The following DOCK11 variants were observed in gnomAD, a reference collection of about 807,000 sequenced individuals.
DOCK11 encodes dedicator of cytokinesis 11, also known as dedicator of cytokinesis protein 11.
In DOCK11, 70 loss-of-function variants were observed where a neutral mutation model predicts 169.1. The ratio of observed to expected loss-of-function variants is 0.41; its 90% confidence interval spans 0.34 to 0.51. DOCK11 has a LOEUF of 0.51. Ranked by LOEUF, DOCK11 falls within the 20% of genes least tolerant of loss-of-function variation. DOCK11 has a pLI of 0.10. For missense variants in DOCK11, 1,166 were observed against 1,538.8 expected, an observed-to-expected ratio of 0.76 and a Z score of 4.05; for synonymous variants, 529 against 541.3, an observed-to-expected ratio of 0.98 and a Z score of 0.32.
Position 118,580,170 on chromosome X carries a change from G to T in DOCK11, c.1586G>T (p.Trp529Leu), listed in dbSNP as rs141049675. The T allele has an allele frequency of 8.3e-7, 1 of 1,203,685 alleles. No individual in the cohort carries two copies. Among genetic ancestry groups the T allele is most frequent in the African/African-American group, 1.8e-5 (1 of 56,682 alleles). Residue 529 changes from tryptophan to leucine, a missense_variant, in exon 14 of 53, where the codon TGG (tryptophan) becomes TTG (leucine). Coordinates refer to ENST00000276202, the MANE Select transcript of DOCK11 (RefSeq NM_144658.4). ...RLGQYRMPFA[W>L]AARPIFKDTQ... Reference sequence around the variant, plus strand: ...GGACAATACAGAATGCCCTTCGCTTGGGCTGCCAGGTTTGTACAAATATAA... The same window carrying T: ...GGACAATACAGAATGCCCTTCGCTTTGGCTGCCAGGTTTGTACAAATATAA...
intron 1 of DOCK11, among the ~76,000 whole-genome samples, chrX:118,500,203 C>T (rs1304907378): frequency 1.8e-5 from 2 of 110,023 alleles, no homozygotes; most frequent in South Asian, 3.8e-4. Context: ...CGCCCGCCGC[C>T]ACGCCCGGCT....
Position 118,561,441 on chromosome X carries a change from A to T in DOCK11, c.617A>T (p.Asn206Ile). Reference sequence around the variant, plus strand: ...CTTCCTGACGGTTCATATATTCTCAATTCCTATAAAGATGAGAAAAATTCA... The same window carrying T: ...CTTCCTGACGGTTCATATATTCTCATTTCCTATAAAGATGAGAAAAATTCA... Reference protein sequence around the residue: ...TQLPDGSYILNSYKDEKNSKE... With the variant: ...TQLPDGSYILISYKDEKNSKE... Residue 206 changes from asparagine (N) to isoleucine (I), a missense_variant, in exon 7 of 53, where the codon AAT (asparagine) becomes ATT (isoleucine). By Grantham distance (149) the Asn-to-Ile change is moderately radical. Coordinates refer to ENST00000276202, the MANE Select transcript of DOCK11 (RefSeq NM_144658.4). 1.7e-6 allele frequency: 2 copies of T among 1,206,650 alleles called. No homozygotes were observed. Among genetic ancestry groups the T allele is most frequent in the Non-Finnish European group, 2.2e-6 (2 of 893,062 alleles).
In DOCK11 at chrX:118,624,651, A is replaced by G; in HGVS notation, c.3584A>G (p.Asn1195Ser). 1 of 1,161,073 alleles carries G rather than the reference A, an allele frequency of 8.6e-7. No homozygotes were observed. Among genetic ancestry groups the G allele is most frequent in the Non-Finnish European group, 1.2e-6 (1 of 853,805 alleles). ...DTLYSCAAMP[N>S]SASRDEFPCG... ...TTGTATTCTTGTGCAGCCATGCCTA[A>G]TTCTGTAAGTAGTAATGTGTTTCTG... The change falls in exon 32 of 53, where the codon AAT becomes AGT. Residue 1195 changes from asparagine (N) to serine (S), a missense_variant. By Grantham distance (46) the Asn-to-Ser change is conservative. Transcript: ENST00000276202.
chrX:118,505,057 T>C (rs1159502361), intron 1 of DOCK11, among the ~76,000 whole-genome samples: 1 of 112,427 alleles, frequency 8.9e-6, no homozygotes, highest in East Asian at 2.8e-4. Context: ...GGGGTCTCGC[T>C]CTGTCACCCA....
intron 14 of DOCK11, among the ~76,000 whole-genome samples, chrX:118,584,108 A>T (rs776160021): frequency 1.8e-5 from 2 of 111,842 alleles, no homozygotes; most frequent in East Asian, 5.6e-4. Context: ...GTCTAGCTTC[A>T]TGAATTTTCA....
At chrX:118,679,699 A>G (rs1157261686) in intron 48 of DOCK11, among the ~76,000 whole-genome samples, 5 of 111,223 alleles carry the variant, frequency 4.5e-5, no homozygotes, top group Non-Finnish European at 9.4e-5. Context: ...TGATCACACC[A>G]CTGCACTTGA....
Position 118,644,159 on chromosome X carries a change from T to A in DOCK11, c.4398+565T>A, listed in dbSNP as rs182534168. 5.3e-4 allele frequency among the ~76,000 whole-genome samples: 59 copies of A among 111,981 alleles called. 1 individual carries two copies. Among genetic ancestry groups the A allele is most frequent in the African/African-American group, 1.8e-3 (57 of 30,876 alleles). ...TATGACTGAAACAGACAGCAAAGAT[T>A]TATTTTCTGTGCTCAGGGGCTTTTT... is the stretch of plus-strand genomic sequence containing the variant. On this transcript the variant is annotated intron_variant, in intron 40 of 52. Coordinates refer to ENST00000276202, the MANE Select transcript of DOCK11 (RefSeq NM_144658.4).
At chrX:118,666,561 G>T (rs1002384621) in intron 45 of DOCK11, among the ~76,000 whole-genome samples, 43 of 111,151 alleles carry the variant, frequency 3.9e-4, no homozygotes, top group Non-Finnish European at 9.4e-5. Flanking sequence ...CCATATTGTT[G>T]GGTATATCAA....
At chrX:118,623,862 G>C (rs757226953) in intron 31 of DOCK11, among the ~76,000 whole-genome samples, 1 of 112,728 alleles carries the variant, frequency 8.9e-6, no homozygotes, top group East Asian at 2.8e-4. Context: ...TCTGATTTGA[G>C]TGTATATACA....
intron 1 of DOCK11, among the ~76,000 whole-genome samples, chrX:118,525,837 A>G (rs1294795758): frequency 9.0e-6 from 1 of 111,506 alleles, no homozygotes; most frequent in Non-Finnish European, 1.9e-5. Context: ...AAAAAAGAAA[A>G]AGAACGTAAC....
At chrX:118,540,816 T>C in intron 1 of DOCK11, among the ~76,000 whole-genome samples, 1 of 112,167 alleles carries the variant, frequency 8.9e-6, no homozygotes, top group East Asian at 2.8e-4. Flanking sequence ...AATACAAGTA[T>C]AATCCCGATG....
At chrX:118,636,320 T>C (rs752839021) in intron 35 of DOCK11, 26 bp from the exon 36 acceptor site, 3 of 1,009,445 alleles carry the variant, frequency 3.0e-6, no homozygotes, top group Non-Finnish European at 4.1e-6. Context: ...TTTCAAGATC[T>C]AACACTTTAT....
chrX:118,677,178 A>G (rs763287577), intron 48 of DOCK11, among the ~76,000 whole-genome samples: 13 of 112,330 alleles, frequency 1.2e-4, no homozygotes, highest in Non-Finnish European at 9.4e-5. Flanking sequence ...CATCATGATT[A>G]AAATCACCTT....
At chrX:118,621,165 T>C (rs940356837) in intron 31 of DOCK11, among the ~76,000 whole-genome samples, 2 of 112,640 alleles carry the variant, frequency 1.8e-5, no homozygotes, top group Middle Eastern at 4.2e-3. Context: ...TGAAGCTCTT[T>C]CCTCTTTGTT....
intron 51 of DOCK11, among the ~76,000 whole-genome samples, chrX:118,682,463 C>A (rs2016768494): frequency 9.0e-6 from 1 of 111,443 alleles, no homozygotes; most frequent in African/African-American, 3.3e-5. Flanking sequence ...AACCAGTAGT[C>A]ATTCATTCAC....
At chrX:118,560,178 T>A (rs2012858311) in intron 6 of DOCK11, among the ~76,000 whole-genome samples, 2 of 111,820 alleles carry the variant, frequency 1.8e-5, no homozygotes, top group African/African-American at 6.5e-5. Context: ...TATTTATTTT[T>A]ACTGGTTTTT....
chrX:118,674,765 A>T (rs2016568870), intron 46 of DOCK11, among the ~76,000 whole-genome samples: 2 of 112,243 alleles, frequency 1.8e-5, no homozygotes, highest in Non-Finnish European at 3.8e-5. Context: ...CAGTGGCTGT[A>T]CCGTTTTACA....
chrX:118,550,300 G>A (rs1326036495), intron 6 of DOCK11, among the ~76,000 whole-genome samples: 2 of 110,697 alleles, frequency 1.8e-5, no homozygotes, highest in African/African-American at 6.6e-5. Context: ...TTAGCCATGT[G>A]AATTGGTGCT....
chrX:118,652,109 C>G, intron 42 of DOCK11, 32 bp downstream of exon 42: 1 of 971,527 alleles, frequency 1.0e-6, no homozygotes, highest in South Asian at 2.1e-5. Context: ...TAAATTAGAA[C>G]CACCTTTGCT....
Sources: allele counts gnomAD v4.1 joint callset (sites outside exome capture counted in the v4.1 genomes callset), GRCh38; gene constraint gnomAD v4.1.1; transcripts MANE v1.5; gene names NCBI Gene and HGNC (gene_info 2026-07-23, HGNC 2026-07-21).